The following CDK5RAP2 variants were observed in gnomAD, a reference collection of about 807,000 sequenced individuals.
CDK5RAP2 encodes CDK5 regulatory subunit-associated protein 2.
A neutral mutation model predicts 232.9 loss-of-function variants in CDK5RAP2; 147 were observed. The observed-to-expected ratio is 0.63, with a 90% CI of 0.55 to 0.72. The LOEUF (loss-of-function observed/expected upper bound fraction) is 0.72. Among genes scored for constraint, CDK5RAP2 ranks in the 30% least tolerant of loss-of-function variants. CDK5RAP2 has a pLI of 0.00. For missense variants in CDK5RAP2, 2,195 were observed against 2,231.5 expected (o/e 0.98, Z 0.33); for synonymous variants, 833 against 833.7 (o/e 1.00, Z 0.01).
chr9:120,435,470 TAC>T (rs55654634), intron 25 of CDK5RAP2, among the ~76,000 whole-genome samples: 18,689 of 146,916 alleles, frequency 0.13, 1,212 homozygotes, highest in African/African-American at 0.17. Flanking sequence ...ATTACACATT[TAC>T]ACACACACAC....
intron 15 of CDK5RAP2, among the ~76,000 whole-genome samples, chr9:120,475,377 G>C (rs755510919): frequency 1.3e-5 from 2 of 152,150 alleles, no homozygotes; most frequent in Non-Finnish European, 2.9e-5. Context: ...TCCCATCCAA[G>C]TTTTCATTCA....
Position 120,424,486 on chromosome 9 carries a change from G to C in CDK5RAP2, c.3956-1745C>G, listed in dbSNP as rs1239350965. On this transcript the variant is annotated intron_variant, in intron 25 of 37. Coordinates refer to ENST00000349780, the MANE Select transcript of CDK5RAP2 (RefSeq NM_018249.6). The stretch of plus-strand genomic sequence containing the variant: ...CTTGTAAGACCATCCCTAATGGGCA[G>C]GGACAACTGTGTGTTAAAAGAACAG... Among the ~76,000 whole-genome samples, 11 of 152,272 alleles carry C rather than the reference G, an allele frequency of 7.2e-5. No individual in the cohort carries two copies. The East Asian group carries it at 1.4e-3, about 19-fold the overall frequency.
chr9:120,528,011 T>C, intron 9 of CDK5RAP2, 86 bp from the exon 10 acceptor site: 2 of 1,514,562 alleles, frequency 1.3e-6, no homozygotes, highest in Non-Finnish European at 1.8e-6. Flanking sequence ...CACACTCAAA[T>C]GCAGTTATTC....
rs1166545602 is a variant in CDK5RAP2 at position 120,407,121 on chromosome 9, C to G, written c.4854G>C (p.Arg1618Ser). Residue 1618 changes from arginine (R) to serine (S), a missense_variant, in exon 32 of 38, where the codon AGG (arginine) becomes AGC (serine). Arg to Ser is a moderately radical substitution (Grantham distance 110). Transcript: ENST00000349780. ...SIETSSTLQS[R>S]LKEQLARGAE... ...CCCCCCTTGCCAGCTGTTCCTTGAG[C>G]CTGCTCTGCAGAGTGCTGCTGGTTT... 6 of 1,614,070 alleles carry G rather than the reference C, an allele frequency of 3.7e-6. No homozygotes were observed. The highest frequency in any genetic ancestry group is 5.1e-6 in the Non-Finnish European group (6 of 1,180,020).
chr9:120,522,417 G>A (rs1410740732), intron 11 of CDK5RAP2, among the ~76,000 whole-genome samples: 2 of 152,146 alleles, frequency 1.3e-5, no homozygotes, highest in Non-Finnish European at 2.9e-5. Context: ...AATGGTCATG[G>A]AACAAAATAC....
Position 120,437,403 on chromosome 9 carries a change from C to T in CDK5RAP2, c.3847G>A (p.Glu1283Lys), listed in dbSNP as rs922121597. The change falls in exon 25 of 38, where the codon GAG becomes AAG. Residue 1283 changes from glutamate to lysine, a missense_variant. By Grantham distance (56) the Glu-to-Lys change is moderately conservative. Coordinates refer to ENST00000349780, the MANE Select transcript of CDK5RAP2 (RefSeq NM_018249.6). ...HMNTMIKAFE[E>K]LLQASDVDYC... is the part of the protein sequence containing the mutation. ...TCCACATCACTGGCCTGCAGCAACT[C>T]CTCAAATGCCTTAATCATGGTGTTC... 14 of 1,614,016 alleles carry T rather than the reference C, an allele frequency of 8.7e-6. No individual in the cohort carries two copies. In the African/African-American group the frequency reaches 1.3e-4, roughly 15 times the overall value.
chr9:120,462,681 T>C (rs548714533), intron 18 of CDK5RAP2, among the ~76,000 whole-genome samples: 9 of 152,330 alleles, frequency 5.9e-5, no homozygotes, highest in African/African-American at 1.9e-4. Flanking sequence ...ACTCCATTTA[T>C]ATGAAGGTCT....
intron 7 of CDK5RAP2, among the ~76,000 whole-genome samples, chr9:120,530,540 C>T (rs540171319): frequency 1.1e-4 from 16 of 152,262 alleles, no homozygotes; most frequent in African/African-American, 2.4e-4. Context: ...GTGGAAAAAA[C>T]GGAATGTCTT....
At chr9:120,498,187 T>A (rs915533109) in intron 12 of CDK5RAP2, among the ~76,000 whole-genome samples, 1 of 152,228 alleles carries the variant, frequency 6.6e-6, no homozygotes, top group Admixed American at 6.5e-5. Context: ...ATAAATAGTC[T>A]GGGCTTCCAG....
At chr9:120,519,051 T>C (rs2131841822) in intron 11 of CDK5RAP2, among the ~76,000 whole-genome samples, 1 of 151,890 alleles carries the variant, frequency 6.6e-6, no homozygotes, top group African/African-American at 2.4e-5. Context: ...GGTGGGTGCC[T>C]GTAGTCCCAG....
intron 34 of CDK5RAP2, 62 bp from the exon 35 acceptor site, chr9:120,400,947 C>T: frequency 3.8e-6 from 6 of 1,586,848 alleles, no homozygotes; most frequent in South Asian, 1.1e-5. Context: ...ACAAGCAAGC[C>T]TTAACATGCA....
chr9:120,507,798 T>C (rs2039881809), intron 12 of CDK5RAP2, among the ~76,000 whole-genome samples: 2 of 150,930 alleles, frequency 1.3e-5, no homozygotes, highest in Admixed American at 1.3e-4. Flanking sequence ...ATGGCCTCAA[T>C]TTCTACACTA....
intron 21 of CDK5RAP2, 133 bp from the exon 22 acceptor site, chr9:120,448,259 A>G: frequency 1.4e-6 from 1 of 740,338 alleles, no homozygotes; most frequent in Admixed American, 2.1e-5. Flanking sequence ...CCATAATGGC[A>G]GCTATGCTTA....
chr9:120,509,222 T>G (rs2039967356), intron 12 of CDK5RAP2, among the ~76,000 whole-genome samples: 1 of 152,210 alleles, frequency 6.6e-6, no homozygotes, highest in Non-Finnish European at 1.5e-5. Context: ...AAGAAATTTA[T>G]AGCTTTGGTG....
intron 7 of CDK5RAP2, among the ~76,000 whole-genome samples, chr9:120,535,140 A>G (rs1196815488): frequency 6.6e-6 from 1 of 152,188 alleles, no homozygotes; most frequent in African/African-American, 2.4e-5. Flanking sequence ...GAAATTATTA[A>G]TCATAAAACT....
chr9:120,389,351 G>T, intron 37 of CDK5RAP2, 59 bp from the exon 38 acceptor site: 1 of 1,349,522 alleles, frequency 7.4e-7, no homozygotes, highest in Non-Finnish European at 1.0e-6. Context: ...TCTGAAGTAA[G>T]ACCCCGACAG....
chr9:120,536,638 C>T, intron 6 of CDK5RAP2, 112 bp from the exon 7 acceptor site: 1 of 1,049,198 alleles, frequency 9.5e-7, no homozygotes, highest in Non-Finnish European at 1.4e-6. Flanking sequence ...AGCACATTTC[C>T]CCTCCCTGAA....
intron 2 of CDK5RAP2, among the ~76,000 whole-genome samples, chr9:120,568,677 A>G (rs2042736072): frequency 6.6e-6 from 1 of 152,170 alleles, no homozygotes. Context: ...GTACTTCCTT[A>G]TTTCATGAAA....
intron 15 of CDK5RAP2, among the ~76,000 whole-genome samples, chr9:120,475,862 C>G (rs994963378): frequency 6.6e-6 from 1 of 152,130 alleles, no homozygotes; most frequent in Non-Finnish European, 1.5e-5. Flanking sequence ...AAGGTGGGAC[C>G]CCTGCCCTGA....
Sources: allele counts gnomAD v4.1 joint callset (sites outside exome capture counted in the v4.1 genomes callset), GRCh38; gene constraint gnomAD v4.1.1; transcripts MANE v1.5; gene names NCBI Gene and HGNC (gene_info 2026-07-23, HGNC 2026-07-21).